The following BMPR2 variants were observed in gnomAD, a reference collection of about 807,000 sequenced individuals.
The protein encoded by BMPR2 is bone morphogenetic protein receptor type 2.
BMPR2 carries 29 observed loss-of-function variants against 100.8 expected under a neutral mutation model. The ratio of observed to expected loss-of-function variants is 0.29; its 90% CI spans 0.21 to 0.39. The LOEUF (loss-of-function observed/expected upper bound fraction) is 0.39. Ranked by LOEUF, BMPR2 falls within the 10% of genes least tolerant of loss-of-function variation. The probability of loss-of-function intolerance (pLI) is 1.00; values close to 1 mark genes in which losing one functional copy is unlikely to be tolerated. For missense variants in BMPR2, 1,011 were observed against 1,274.5 expected, an observed-to-expected ratio of 0.79 and a Z score of 3.15; for synonymous variants, 382 against 442.3, an observed-to-expected ratio of 0.86 and a Z score of 1.71.
intron 2 of BMPR2, among the ~76,000 whole-genome samples, chr2:202,465,652 G>A (rs1692304812): frequency 6.6e-6 from 1 of 151,792 alleles, no homozygotes; most frequent in South Asian, 2.1e-4. Flanking sequence ...AGGTCAGGAG[G>A]TGGAGACCAG....
chr2:202,513,582 T>G (rs1687660355), intron 3 of BMPR2, 137 bp from the exon 4 acceptor site: 1 of 617,536 alleles, frequency 1.6e-6, no homozygotes, highest in East Asian at 2.8e-5. Flanking sequence ...ACTAATTTTT[T>G]CTTTCATTTC....
chr2:202,378,148 T>G (rs988003778), intron 1 of BMPR2, among the ~76,000 whole-genome samples: 1 of 152,236 alleles, frequency 6.6e-6, no homozygotes, highest in Non-Finnish European at 1.5e-5. Flanking sequence ...GTTAGTCATC[T>G]GGCATCTATC....
Position 202,377,294 on chromosome 2 carries a change from C to T in BMPR2, c.-181C>T. The T allele has an allele frequency of 1.5e-6, 1 of 676,358 alleles. No individual in the cohort carries two copies. The highest frequency in any genetic ancestry group is 2.7e-6 in the Non-Finnish European group (1 of 371,268). 41.9% of individuals were successfully genotyped at this position (676,358 alleles called of 1,614,324 possible). A position where few individuals can be genotyped will look rare whatever the true frequency, so the allele number is the denominator to read the frequency against. ...CGAGGGAGAGAAATGAAGGGAATTT[C>T]TGCAGCGGCATGAAAGCTCTGCAGC... On this transcript the variant is annotated 5_prime_UTR_variant, in exon 1 of 13. Transcript: ENST00000374580.
intron 1 of BMPR2, among the ~76,000 whole-genome samples, chr2:202,420,537 A>ATATTTTT (rs1201308485): frequency 1.7e-5 from 1 of 58,980 alleles, no homozygotes; most frequent in Non-Finnish European, 3.0e-5. Flanking sequence ...TAGAAGCATG[A>ATATTTTT]TTTTTTTTTT....
intron 1 of BMPR2, among the ~76,000 whole-genome samples, chr2:202,413,478 A>G (rs1007454072): frequency 2.0e-5 from 3 of 152,182 alleles, no homozygotes; most frequent in Non-Finnish European, 4.4e-5. Context: ...GTTAATGCAA[A>G]TGTGGTGAGC....
At chr2:202,526,361 C>T (rs1687912406) in intron 7 of BMPR2, among the ~76,000 whole-genome samples, 1 of 152,154 alleles carries the variant, frequency 6.6e-6, no homozygotes, top group South Asian at 2.1e-4. Context: ...GTGAAGAGAA[C>T]TTTAATATAT....
At position 202,518,874 on chromosome 2, in the gene BMPR2, G is replaced by A. The variant is rs148682262; in HGVS notation, c.674G>A (p.Arg225His). 2.1e-4 allele frequency: 340 copies of A among 1,614,174 alleles called. No homozygotes were observed. Among genetic ancestry groups the A allele is most frequent in the Admixed American group, 2.0e-4 (12 of 60,008 alleles). Residue 225 changes from arginine to histidine, a missense_variant, in exon 6 of 13, where the codon CGT becomes CAT. Coordinates refer to ENST00000374580, the MANE Select transcript of BMPR2 (RefSeq NM_001204.7). ...GAVYKGSLDE[R>H]PVAVKVFSFA... ...GTATATAAAGGCTCCTTGGATGAGC[G>A]TCCAGTTGCTGTAAAAGTGTTTTCC...
chr2:202,428,515 T>G (rs1345421035), intron 1 of BMPR2, among the ~76,000 whole-genome samples: 1 of 152,112 alleles, frequency 6.6e-6, no homozygotes, highest in South Asian at 2.1e-4. Context: ...CCTTCCACTT[T>G]AGCCTCCAGA....
At chr2:202,486,795 G>A (rs1212855558) in intron 3 of BMPR2, among the ~76,000 whole-genome samples, 1 of 152,262 alleles carries the variant, frequency 6.6e-6, no homozygotes, top group African/African-American at 2.4e-5. Context: ...GCAAGCCAAG[G>A]CAGGAGAATT....
At chr2:202,547,581 G>A (rs902217779) in intron 10 of BMPR2, among the ~76,000 whole-genome samples, 18 of 148,976 alleles carry the variant, frequency 1.2e-4, no homozygotes, top group Non-Finnish European at 6.0e-5. Context: ...TCAGGAGTTC[G>A]AGACCAGCCT....
In BMPR2 at chr2:202,564,628, TG is replaced by T. The variant is rs978899922; in HGVS notation, c.*4683del. The T allele has an allele frequency of 6.6e-6, 1 of 152,240 alleles. No individual in the cohort carries two copies. Among genetic ancestry groups the T allele is most frequent in the African/African-American group, 2.4e-5 (1 of 41,454 alleles). The allele number at this position is 152,240 out of a possible 1,614,324, so 9.4% of individuals were successfully genotyped here. A position where few individuals can be genotyped will look rare whatever the true frequency, so the allele number is the denominator to read the frequency against. ...TGATTAAGTAAATCTGGCAAATCAC[TG>T]TTTGAGCTAGTTACATAAAATTTGT... On this transcript the variant is annotated 3_prime_UTR_variant, in exon 13 of 13. Coordinates refer to ENST00000374580, the MANE Select transcript of BMPR2 (RefSeq NM_001204.7).
Position 202,555,338 on chromosome 2 carries a change from A to G in BMPR2, c.1673A>G (p.His558Arg), listed in dbSNP as rs750061667. ...SSSYIEDSIH[H>R]TDSIVKNISS... ...TCATACATTGAAGACTCTATCCATC[A>G]TACTGACAGCATCGTGAAGAATATT... Residue 558 changes from histidine (H) to arginine (R), a missense_variant, in exon 12 of 13, where the codon CAT becomes CGT. Around this residue, in one of 6 missense-constraint regions of BMPR2, gnomAD observed 508 missense variants for 552.0 expected, o/e 0.92. Coordinates refer to ENST00000374580, the MANE Select transcript of BMPR2 (RefSeq NM_001204.7). The G allele has an allele frequency of 6.2e-7, 1 of 1,614,112 alleles. No individual in the cohort carries two copies. The highest frequency in any genetic ancestry group is 1.1e-5 in the South Asian group (1 of 91,082).
At chr2:202,396,656 C>T (rs1349614901) in intron 1 of BMPR2, among the ~76,000 whole-genome samples, 1 of 151,966 alleles carries the variant, frequency 6.6e-6, no homozygotes, top group African/African-American at 2.4e-5. Flanking sequence ...AAAAGAAGCC[C>T]CATTTAAATT....
chr2:202,426,455 C>T (rs887290759), intron 1 of BMPR2, among the ~76,000 whole-genome samples: 3 of 147,522 alleles, frequency 2.0e-5, no homozygotes, highest in Non-Finnish European at 3.0e-5. Flanking sequence ...GTGGCGGGTG[C>T]TTGTAATCCC....
intron 7 of BMPR2, among the ~76,000 whole-genome samples, chr2:202,530,512 C>T (rs1688002429): frequency 6.6e-6 from 1 of 151,854 alleles, no homozygotes; most frequent in Admixed American, 6.6e-5. Context: ...TTTTACAGCC[C>T]TATACTATAA....
At chr2:202,428,874 T>TTTAA (rs1491510560) in intron 1 of BMPR2, among the ~76,000 whole-genome samples, 2 of 152,216 alleles carry the variant, frequency 1.3e-5, no homozygotes, top group Non-Finnish European at 1.5e-5. Context: ...TATATCTAAC[T>TTTAA]GTAAGCCTTT....
At chr2:202,486,153 GCTTGT>G (rs1297323800) in intron 3 of BMPR2, among the ~76,000 whole-genome samples, 1 of 152,092 alleles carries the variant, frequency 6.6e-6, no homozygotes, top group African/African-American at 2.4e-5. Flanking sequence ...GAGGAGGAAT[GCTTGT>G]CTTAAGAAAG....
intron 9 of BMPR2, among the ~76,000 whole-genome samples, chr2:202,537,994 C>T (rs978799474): frequency 3.9e-5 from 6 of 151,966 alleles, no homozygotes; most frequent in South Asian, 2.1e-4. Flanking sequence ...CAGTGGCACA[C>T]GCCTGTAATC....
At chr2:202,377,641 C>T (rs1435254413) in intron 1 of BMPR2, 91 bp downstream of exon 1, 15 of 1,435,116 alleles carry the variant, frequency 1.0e-5, no homozygotes, top group Non-Finnish European at 1.3e-5. Flanking sequence ...GCTTGCCCTT[C>T]GCCATGCGTC....
Sources: gnomAD v4.1 joint callset for allele counts (sites outside exome capture counted in the v4.1 genomes callset) on GRCh38, gnomAD v4.1.1 for gene constraint, gnomAD v4.1.1 regional missense constraint, MANE v1.5 for transcripts, NCBI Gene and HGNC (gene_info 2026-07-23, HGNC 2026-07-21) for gene names.